CYFIP1: variants seen among roughly 807,000 people sequenced by gnomAD.
CYFIP1 encodes cytoplasmic FMR1 interacting protein 1.
CYFIP1 carries 58 observed loss-of-function variants against 163.5 expected under a neutral mutation model. The ratio of observed to expected loss-of-function variants is 0.35; its 90% CI spans 0.29 to 0.44. The LOEUF (loss-of-function observed/expected upper bound fraction) is 0.44, where lower values mean the gene tolerates loss of function less well. Ranked by LOEUF, CYFIP1 falls within the 20% of genes least tolerant of loss-of-function variation. CYFIP1 has a pLI of 1.00. For synonymous variants in CYFIP1, 663 were observed against 660.7 expected, an observed-to-expected ratio of 1.00 and a Z score of -0.05; for missense variants, 1,338 against 1,653.8, an observed-to-expected ratio of 0.81 and a Z score of 3.31.
chr15:22,917,262 A>T lies in CYFIP1; in HGVS notation c.1674+526T>A. ...TAAAAGCCTCCGGCAGAGATGAGGG[A>T]GAAGACCAGCCCCAGGACGGAGGAC... On this transcript the variant is annotated intron_variant, in intron 15 of 30. Transcript: ENST00000617928. This position sits in a 1 kb window ranked among gnomAD's most constrained non-coding sequence, Gnocchi z 4.2. The T allele has an allele frequency of 7.2e-7, 1 of 1,392,694 alleles. No homozygotes were observed. The highest frequency in any genetic ancestry group is 9.3e-7 in the Non-Finnish European group (1 of 1,080,554). The allele number at this position is 1,392,694 out of a possible 1,614,324, so 86.3% of individuals were successfully genotyped here. A position where few individuals can be genotyped will look rare whatever the true frequency, so the allele number is the denominator to read the frequency against.
chr15:22,873,668 G>A lies in CYFIP1; in HGVS notation c.3272C>T (p.Ser1091Phe). The part of the protein sequence containing the change: ...LTKERLCCGL[S>F]MFEVILTRIR... ...CCGTGTCAGGATGACCTCAAACATG[G>A]ACAGGCCGCAGCAGAGGCGCTCCTT... The change falls in exon 29 of 31, where the codon TCC becomes TTC. Residue 1091 changes from serine to phenylalanine, a missense_variant. Physicochemically the swap from Ser to Phe is radical, Grantham distance 155. This residue lies in a region of CYFIP1 where 306 missense variants were observed against 322.1 expected (regional missense o/e 0.95). Transcript: ENST00000617928. 1 of 1,614,244 alleles carries A rather than the reference G, an allele frequency of 6.2e-7. No individual in the cohort carries two copies. The highest frequency in any genetic ancestry group is 8.5e-7 in the Non-Finnish European group (1 of 1,180,040).
At chr15:22,885,122 T>C (rs981237147) in intron 23 of CYFIP1, among the ~76,000 whole-genome samples, 5 of 152,174 alleles carry the variant, frequency 3.3e-5, no homozygotes, top group South Asian at 2.1e-4. Flanking sequence ...GTCTTGGTGA[T>C]TGACATTCAA....
chr15:22,873,067 G>A, intron 29 of CYFIP1, 95 bp from the exon 30 acceptor site: 2 of 1,376,850 alleles, frequency 1.5e-6, no homozygotes, highest in Non-Finnish European at 2.0e-6. Flanking sequence ...CAAGCCATCT[G>A]CATTACTGTC....
In CYFIP1 at chr15:22,868,397, T is replaced by TGAGA. The variant is rs770786182; in HGVS notation, c.*1627_*1630dup. 15 of 152,308 alleles carry TGAGA rather than the reference T, an allele frequency of 9.8e-5. No homozygotes were observed. The highest frequency in any genetic ancestry group is 9.8e-4 in the Admixed American group (15 of 15,302). 9.4% of individuals were successfully genotyped at this position (152,308 alleles called of 1,614,324 possible). On this transcript the variant is annotated 3_prime_UTR_variant, in exon 31 of 31. Coordinates refer to ENST00000617928, the MANE Select transcript of CYFIP1 (RefSeq NM_014608.6). ...TTCTTATTTAACATTTTGTAGCACT[T>TGAGA]GAGATTGTCTTATACCTAAGGTATT...
rs551851014 is a variant in CYFIP1 at position 22,943,101 on chromosome 15, T to G, written c.569+72A>C. ...ACTTCAGCAAACAAAGACGCACACCTGCTGTGCACAAGGCAGGCCACTGAG... is the reference window on the plus strand; with the variant it reads ...ACTTCAGCAAACAAAGACGCACACCGGCTGTGCACAAGGCAGGCCACTGAG... On this transcript the variant is annotated intron_variant, in intron 6 of 30. Coordinates refer to ENST00000617928, the MANE Select transcript of CYFIP1 (RefSeq NM_014608.6). 3.5e-6 allele frequency: 5 copies of G among 1,446,952 alleles called. No individual in the cohort carries two copies. The African/African-American group carries it at 5.6e-5, about 16-fold the overall frequency. 89.6% of individuals were successfully genotyped at this position (1,446,952 alleles called of 1,614,324 possible). A position where few individuals can be genotyped will look rare whatever the true frequency, so the allele number is the denominator to read the frequency against.
At chr15:22,884,368 G>A (rs979352225) in intron 23 of CYFIP1, among the ~76,000 whole-genome samples, 1 of 152,170 alleles carries the variant, frequency 6.6e-6, no homozygotes, top group African/African-American at 2.4e-5. Flanking sequence ...ATTGCAAATG[G>A]GAGAGACTGG....
At chr15:22,946,572 C>T (rs750585769) in intron 3 of CYFIP1, 126 of 310,122 alleles carry the variant, frequency 4.1e-4, no homozygotes, top group East Asian at 9.4e-4. Flanking sequence ...ACCTGGGAGG[C>T]GGAGGTTGCA....
At chr15:22,902,513 C>A (rs773153482) in intron 22 of CYFIP1, among the ~76,000 whole-genome samples, 1 of 152,248 alleles carries the variant, frequency 6.6e-6, no homozygotes, top group Non-Finnish European at 1.5e-5. Flanking sequence ...TCCCATTTTT[C>A]TATAATTTTG....
Position 22,978,415 on chromosome 15 carries a change from G to A in CYFIP1, c.-7+1872C>T, listed in dbSNP as rs527564999. On this transcript the variant is annotated intron_variant, in intron 1 of 30. Transcript: ENST00000617928. ...TATACGGTTATTTAAAAGATTGAGGGAAATCTGTGTGTACAGACTATATAT... is the reference window on the plus strand; with the variant it reads ...TATACGGTTATTTAAAAGATTGAGGAAAATCTGTGTGTACAGACTATATAT... 3.4e-5 allele frequency among the ~76,000 whole-genome samples: 5 copies of A among 146,338 alleles called. No individual in the cohort carries two copies. The South Asian group carries it at 6.6e-4, about 19-fold the overall frequency.
chr15:22,929,360 G>A (rs2061458762), intron 11 of CYFIP1, among the ~76,000 whole-genome samples: 5 of 152,114 alleles, frequency 3.3e-5, no homozygotes, highest in South Asian at 2.1e-4. Flanking sequence ...ATGACCGGGT[G>A]CAATGGCTCA....
At chr15:22,905,674 G>A (rs1366552306) in intron 21 of CYFIP1, among the ~76,000 whole-genome samples, 2 of 151,668 alleles carry the variant, frequency 1.3e-5, no homozygotes, top group East Asian at 3.9e-4. Context: ...TCCTGACCTC[G>A]TGATCCATCC....
intron 14 of CYFIP1, 88 bp from the exon 15 acceptor site, chr15:22,918,023 C>T: frequency 6.9e-7 from 1 of 1,442,092 alleles, no homozygotes; most frequent in South Asian, 1.3e-5. Context: ...AACTACAAGG[C>T]TCTCAGAACA....
chr15:22,890,559 C>T (rs1401754688), intron 23 of CYFIP1, among the ~76,000 whole-genome samples: 1 of 152,228 alleles, frequency 6.6e-6, no homozygotes, highest in Admixed American at 6.5e-5. Flanking sequence ...GGCACCAACA[C>T]AGCCACATGA....
At chr15:22,879,851 G>A (rs1399348648) in intron 26 of CYFIP1, 62 bp downstream of exon 26, 1 of 1,338,036 alleles carries the variant, frequency 7.5e-7, no homozygotes, top group Non-Finnish European at 1.0e-6. Flanking sequence ...GCCCTCCCCT[G>A]GCCGGTGGGG....
intron 13 of CYFIP1, among the ~76,000 whole-genome samples, chr15:22,920,948 A>G (rs1227807474): frequency 6.6e-6 from 1 of 152,234 alleles, no homozygotes; most frequent in Non-Finnish European, 1.5e-5. Context: ...AGGCAAGTTA[A>G]CAGCAAACTG....
chr15:22,910,379 C>T, intron 20 of CYFIP1, 141 bp downstream of exon 20: 2 of 643,528 alleles, frequency 3.1e-6, no homozygotes, highest in Non-Finnish European at 5.4e-6. Flanking sequence ...CCAGGCTGGT[C>T]TTGAACTCCT....
At chr15:22,940,117 G>C (rs1458304815) in intron 6 of CYFIP1, among the ~76,000 whole-genome samples, 1 of 152,194 alleles carries the variant, frequency 6.6e-6, no homozygotes, top group Non-Finnish European at 1.5e-5. Context: ...GTGAAGGTGG[G>C]GGTGTGAGGA....
chr15:22,915,750 A>G (rs1007286184), intron 16 of CYFIP1, among the ~76,000 whole-genome samples: 1 of 152,152 alleles, frequency 6.6e-6, no homozygotes, highest in East Asian at 1.9e-4. Flanking sequence ...CTTCGTCTCA[A>G]CAAAAAACAA....
intron 1 of CYFIP1, among the ~76,000 whole-genome samples, chr15:22,974,763 G>T (rs1220428533): frequency 4.6e-5 from 7 of 152,152 alleles, no homozygotes; most frequent in Admixed American, 4.6e-4. Flanking sequence ...TTATGGTGAT[G>T]GTTGTTGCAC....
Sources: gnomAD v4.1 joint callset for allele counts (sites outside exome capture counted in the v4.1 genomes callset) on GRCh38, gnomAD v4.1.1 for gene constraint, gnomAD v4.1.1 regional missense constraint, Gnocchi (gnomAD v3.1) non-coding constraint, MANE v1.5 for transcripts, NCBI Gene and HGNC (gene_info 2026-07-23, HGNC 2026-07-21) for gene names.